Variants in GUCY1A2 observed in about 807,000 individuals in gnomAD.
The protein encoded by GUCY1A2 is guanylate cyclase soluble subunit alpha-2.
GUCY1A2 carries 27 observed loss-of-function variants against 63.5 expected under a neutral mutation model. The observed-to-expected ratio is 0.43, with a 90% CI of 0.31 to 0.59. GUCY1A2 has a LOEUF of 0.59. Ranked by LOEUF, GUCY1A2 falls within the 20% of genes least tolerant of loss-of-function variation. GUCY1A2 has a pLI of 0.11. For missense variants in GUCY1A2, 768 were observed against 913.3 expected, an observed-to-expected ratio of 0.84 and a Z score of 2.05; for synonymous variants, 364 against 343.5, an observed-to-expected ratio of 1.06 and a Z score of -0.66.
At chr11:106,792,595 AG>A (rs1864684033) in intron 5 of GUCY1A2, among the ~76,000 whole-genome samples, 1 of 152,286 alleles carries the variant, frequency 6.6e-6, no homozygotes, top group Middle Eastern at 3.4e-3. Context: ...CCAATAAAAT[AG>A]GTATTGAAGG....
At chr11:106,829,465 G>C (rs1859022153) in intron 4 of GUCY1A2, among the ~76,000 whole-genome samples, 2 of 152,118 alleles carry the variant, frequency 1.3e-5, no homozygotes, top group Non-Finnish European at 2.9e-5. Flanking sequence ...GTCTCTCAGG[G>C]TCTTAGCATC....
At chr11:106,752,711 A>G (rs550025096) in intron 6 of GUCY1A2, among the ~76,000 whole-genome samples, 1 of 152,306 alleles carries the variant, frequency 6.6e-6, no homozygotes, top group Admixed American at 6.5e-5. Flanking sequence ...ATGGCTGCAT[A>G]GTATTCCTTG....
intron 3 of GUCY1A2, among the ~76,000 whole-genome samples, chr11:106,961,919 AAAC>A (rs1192633025): frequency 6.6e-6 from 1 of 152,198 alleles, no homozygotes; most frequent in African/African-American, 2.4e-5. Context: ...TCTTCATTTT[AAAC>A]AACTGGACTA....
At chr11:107,012,826 C>T (rs1861766244) in intron 1 of GUCY1A2, among the ~76,000 whole-genome samples, 2 of 151,936 alleles carry the variant, frequency 1.3e-5, no homozygotes, top group Admixed American at 1.3e-4. Flanking sequence ...AAATTAAGCC[C>T]CAAATTTAAA....
chr11:106,864,910 T>G (rs768817606), intron 4 of GUCY1A2, among the ~76,000 whole-genome samples: 42 of 152,102 alleles, frequency 2.8e-4, no homozygotes, highest in Non-Finnish European at 5.4e-4. Context: ...GGTTTTGGTA[T>G]CAGGATGATG....
intron 3 of GUCY1A2, among the ~76,000 whole-genome samples, chr11:106,944,996 GGAA>G (rs1173508558): frequency 1.3e-5 from 2 of 151,960 alleles, no homozygotes; most frequent in South Asian, 2.1e-4. Flanking sequence ...AGAAACCAAT[GGAA>G]GAAGGACTAT....
In GUCY1A2 at chr11:106,713,588, G is replaced by C. The variant is rs550669765; in HGVS notation, c.1837-4922C>G. On this transcript the variant is annotated intron_variant, in intron 6 of 7. Coordinates refer to ENST00000526355, the MANE Select transcript of GUCY1A2 (RefSeq NM_000855.3). Reference sequence around the variant, plus strand: ...GTGGCGCGATCTCAGCTCACTGCAAGCTCCGTCTCCCGGGTTCACGCCATT... The same window carrying C: ...GTGGCGCGATCTCAGCTCACTGCAACCTCCGTCTCCCGGGTTCACGCCATT... 6.7e-5 allele frequency among the ~76,000 whole-genome samples: 9 copies of C among 135,220 alleles called. No individual in the cohort carries two copies. In the South Asian group the frequency reaches 2.2e-3, roughly 32 times the overall value. 88.7% of individuals were successfully genotyped at this position (135,220 alleles called of 152,430 possible). A position where few individuals can be genotyped will look rare whatever the true frequency, so the allele number is the denominator to read the frequency against.
intron 1 of GUCY1A2, among the ~76,000 whole-genome samples, chr11:107,005,836 C>T (rs1185751167): frequency 6.6e-6 from 1 of 152,018 alleles, no homozygotes; most frequent in African/African-American, 2.4e-5. Context: ...ATGTCATATG[C>T]CCAAAAATGT....
At position 106,987,260 on chromosome 11, in the gene GUCY1A2, G is replaced by A. The variant is rs557791114; in HGVS notation, c.304-1129C>T. Among the ~76,000 whole-genome samples the A allele has an allele frequency of 1.3e-5, 2 of 152,298 alleles. 1 individual carries two copies. The highest frequency in any genetic ancestry group is 4.2e-4 in the South Asian group (2 of 4,818). ...TCTAAAAAGGCAATCTGCAGAAAGG[G>A]TCTAGCATAGTGCTGATACCTAAGA... On this transcript the variant is annotated intron_variant, in intron 1 of 7. Transcript: ENST00000526355.
rs1330861883 is a variant in GUCY1A2, at chr11:106,890,224, A to G, written c.1206+49236T>C. Among the ~76,000 whole-genome samples the G allele has an allele frequency of 4.6e-5, 7 of 152,336 alleles. No homozygotes were observed. In the South Asian group the frequency reaches 1.2e-3, roughly 27 times the overall value. On this transcript the variant is annotated intron_variant, in intron 4 of 7. Transcript: ENST00000526355. ...TATCTATATGCTATAAGGGTACTTCATCAAAACCCAACTCTTCAGTAAACG... is the reference window on the plus strand; with the variant it reads ...TATCTATATGCTATAAGGGTACTTCGTCAAAACCCAACTCTTCAGTAAACG...
chr11:106,935,392 T>C (rs1193452671), intron 4 of GUCY1A2, among the ~76,000 whole-genome samples: 2 of 152,200 alleles, frequency 1.3e-5, no homozygotes. Context: ...CATTTAATCC[T>C]CCCAAATAAC....
At chr11:106,907,609 T>C (rs564504411) in intron 4 of GUCY1A2, among the ~76,000 whole-genome samples, 1 of 151,966 alleles carries the variant, frequency 6.6e-6, no homozygotes, top group South Asian at 2.1e-4. Context: ...CCTGTGTCCA[T>C]GTGTTCTCAT....
Position 106,985,920 on chromosome 11 carries a change from C to T in GUCY1A2, c.365+150G>A. The T allele has an allele frequency of 5.1e-6, 3 of 588,154 alleles. No individual in the cohort carries two copies. The South Asian group carries it at 6.8e-5, about 13-fold the overall frequency. 36.4% of individuals were successfully genotyped at this position (588,154 alleles called of 1,614,324 possible). ...AAAGAAATCACTCCAAGGGACTCCC[C>T]CAATAAGCCTTCACGCCCCACACTA... On this transcript the variant is annotated intron_variant, in intron 2 of 7. Transcript: ENST00000526355.
At chr11:106,817,854 C>T (rs959892831) in intron 4 of GUCY1A2, among the ~76,000 whole-genome samples, 1 of 151,876 alleles carries the variant, frequency 6.6e-6, no homozygotes, top group African/African-American at 2.4e-5. Context: ...TGAGTACCAG[C>T]AAAATGTGGA....
At chr11:106,967,204 C>T (rs375610062) in intron 3 of GUCY1A2, among the ~76,000 whole-genome samples, 1 of 152,138 alleles carries the variant, frequency 6.6e-6, no homozygotes, top group Non-Finnish European at 1.5e-5. Context: ...ATCTTCTTCG[C>T]AAAGATCCTA....
At chr11:106,791,268 CAAT>C (rs1386262665) in intron 5 of GUCY1A2, among the ~76,000 whole-genome samples, 1 of 152,182 alleles carries the variant, frequency 6.6e-6, no homozygotes, top group Non-Finnish European at 1.5e-5. Context: ...GCACTGAGTT[CAAT>C]ACAAAGTCTC....
At chr11:106,841,863 ACTAC>A (rs1424633279) in intron 4 of GUCY1A2, among the ~76,000 whole-genome samples, 3 of 151,874 alleles carry the variant, frequency 2.0e-5, no homozygotes, top group African/African-American at 7.3e-5. Flanking sequence ...ATTTTACTTT[ACTAC>A]CTTTTTTTTC....
intron 4 of GUCY1A2, among the ~76,000 whole-genome samples, chr11:106,848,245 CA>C (rs2135448724): frequency 6.6e-6 from 1 of 151,546 alleles, no homozygotes; most frequent in Non-Finnish European, 1.5e-5. Flanking sequence ...ATAAATAGGT[CA>C]AAAGCCATGA....
chr11:106,955,384 T>C (rs377711747), intron 3 of GUCY1A2, among the ~76,000 whole-genome samples: 1 of 152,194 alleles, frequency 6.6e-6, no homozygotes, highest in Admixed American at 6.5e-5. Flanking sequence ...GTTGATGCAG[T>C]TTCTTCATGG....
Sources: allele counts gnomAD v4.1 joint callset (sites outside exome capture counted in the v4.1 genomes callset), GRCh38; gene constraint gnomAD v4.1.1; transcripts MANE v1.5; gene names NCBI Gene and HGNC (gene_info 2026-07-23, HGNC 2026-07-21).